Variants in MGAT5 observed in about 807,000 individuals in gnomAD.
MGAT5 encodes the protein alpha-1,6-mannosylglycoprotein 6-beta-N-acetylglucosaminyltransferase A.
A neutral mutation model predicts 94.3 loss-of-function variants in MGAT5; 30 were observed. That is an observed-to-expected ratio of 0.32 (90% CI 0.24 to 0.43). The LOEUF is 0.43. Ranked by LOEUF, MGAT5 falls within the 20% of genes least tolerant of loss-of-function variation. The pLI is 1.00. For synonymous variants in MGAT5, 310 were observed against 322.9 expected, an observed-to-expected ratio of 0.96 and a Z score of 0.43; for missense variants, 691 against 905.5, an observed-to-expected ratio of 0.76 and a Z score of 3.04.
intron 4 of MGAT5, among the ~76,000 whole-genome samples, chr2:134,320,978 C>A: frequency 6.6e-6 from 1 of 152,078 alleles, no homozygotes; most frequent in East Asian, 1.9e-4. Context: ...CCAGAGCTAA[C>A]GATAGTTAAA....
At chr2:134,422,406 G>A in intron 12 of MGAT5, among the ~76,000 whole-genome samples, 1 of 152,020 alleles carries the variant, frequency 6.6e-6, no homozygotes, top group East Asian at 1.9e-4. Flanking sequence ...GACTTTAAAA[G>A]CCTTGATTTT....
rs1310834572 is a variant in MGAT5 at position 134,283,824 on chromosome 2, C to T, written c.406+13274C>T. On this transcript the variant is annotated intron_variant, in intron 2 of 15. Transcript: ENST00000281923. The stretch of plus-strand genomic sequence containing the variant: ...AACAGGAGAACGATACAGCTTCCCC[C>T]GGCCGCTGGGTTCTCTTTCTGTGAT... Among the ~76,000 whole-genome samples, 9 of 151,772 alleles carry T rather than the reference C, an allele frequency of 5.9e-5. No homozygotes were observed. The East Asian group carries it at 1.2e-3, about 20-fold the overall frequency.
intron 12 of MGAT5, among the ~76,000 whole-genome samples, chr2:134,413,726 C>A (rs1214398748): frequency 6.6e-6 from 1 of 152,140 alleles, no homozygotes; most frequent in African/African-American, 2.4e-5. Context: ...CTGATTATTT[C>A]TATGTAGTTA....
intron 1 of MGAT5, among the ~76,000 whole-genome samples, chr2:134,127,909 T>A (rs1294183457): frequency 2.0e-5 from 3 of 152,338 alleles, no homozygotes; most frequent in African/African-American, 7.2e-5. Context: ...CGTTTGGTCA[T>A]TATGCTCTTT....
At chr2:134,128,184 C>A (rs115818060) in intron 1 of MGAT5, among the ~76,000 whole-genome samples, 1,935 of 132,230 alleles carry the variant, frequency 0.015, 49 homozygotes, top group African/African-American at 0.049. Context: ...GCCTGAGCAA[C>A]AAAGCAAGAC....
At chr2:134,444,704 C>T (rs754729302) in intron 15 of MGAT5, among the ~76,000 whole-genome samples, 1 of 152,200 alleles carries the variant, frequency 6.6e-6, no homozygotes. Context: ...GTATCCATAG[C>T]GTTTAAGAAC....
intron 1 of MGAT5, among the ~76,000 whole-genome samples, chr2:134,234,843 C>T (rs1327508223): frequency 6.6e-6 from 1 of 152,190 alleles, no homozygotes; most frequent in Admixed American, 6.5e-5. Flanking sequence ...ATGAGGTGGA[C>T]TGAGCAGGTG....
At chr2:134,178,414 T>C (rs1035813853) in intron 1 of MGAT5, among the ~76,000 whole-genome samples, 2 of 152,082 alleles carry the variant, frequency 1.3e-5, no homozygotes, top group African/African-American at 2.4e-5. Flanking sequence ...GGAAAGGGCA[T>C]TGGGTCCTTT....
At chr2:134,358,517 T>A (rs1401786984) in intron 9 of MGAT5, among the ~76,000 whole-genome samples, 2 of 152,152 alleles carry the variant, frequency 1.3e-5, no homozygotes, top group African/African-American at 2.4e-5. Flanking sequence ...AAGGAAAGGA[T>A]GAGTTGATGG....
chr2:134,447,129 TAC>T lies in MGAT5; in HGVS notation c.2028-1512_2028-1511del, dbSNP rs950639346. On this transcript the variant is annotated intron_variant, in intron 15 of 15. Coordinates refer to ENST00000281923, the MANE Select transcript of MGAT5 (RefSeq NM_002410.5). ...AACATGCTCTACACACATGCCCATG[TAC>T]ACACACATATGCATACATACACATA... 3.7e-4 allele frequency among the ~76,000 whole-genome samples: 56 copies of T among 152,322 alleles called. 1 individual carries two copies. The highest frequency in any genetic ancestry group is 1.2e-3 in the African/African-American group (50 of 41,582).
intron 1 of MGAT5, among the ~76,000 whole-genome samples, chr2:134,265,735 C>T (rs1054318678): frequency 5.3e-5 from 8 of 152,074 alleles, no homozygotes; most frequent in East Asian, 1.9e-4. Context: ...TTGTTGAGGA[C>T]GCATTTTATG....
intron 9 of MGAT5, among the ~76,000 whole-genome samples, chr2:134,352,396 C>A (rs1679441244): frequency 6.6e-6 from 1 of 152,080 alleles, no homozygotes; most frequent in South Asian, 2.1e-4. Context: ...GGCTTTCATT[C>A]TAGGAGGGGC....
At chr2:134,223,197 T>A (rs1000140137) in intron 1 of MGAT5, among the ~76,000 whole-genome samples, 2 of 152,218 alleles carry the variant, frequency 1.3e-5, no homozygotes, top group African/African-American at 4.8e-5. Flanking sequence ...ACCAGCTGTT[T>A]AGGCATTTTT....
chr2:134,309,265 T>G (rs1290796771), intron 2 of MGAT5, among the ~76,000 whole-genome samples: 1 of 152,248 alleles, frequency 6.6e-6, no homozygotes, highest in Admixed American at 6.5e-5. Flanking sequence ...CTGTTATGAA[T>G]AAGGCTATTA....
chr2:134,152,899 CTTTTTTTTTTT>C (rs35135371), intron 1 of MGAT5, among the ~76,000 whole-genome samples: 1 of 117,282 alleles, frequency 8.5e-6, no homozygotes, highest in Non-Finnish European at 1.7e-5. Flanking sequence ...ATGGAGTCCA[CTTTTTTTTTTT>C]TTTTTTTTTT....
intron 12 of MGAT5, among the ~76,000 whole-genome samples, chr2:134,422,447 C>T (rs2106360337): frequency 6.6e-6 from 1 of 152,178 alleles, no homozygotes; most frequent in Non-Finnish European, 1.5e-5. Context: ...ACCTTTCTGT[C>T]TTAGCCAGGA....
At chr2:134,221,500 G>A (rs1429074759) in intron 1 of MGAT5, among the ~76,000 whole-genome samples, 2 of 152,058 alleles carry the variant, frequency 1.3e-5, no homozygotes, top group East Asian at 3.9e-4. Flanking sequence ...GTAAAATGTT[G>A]CTTATCTGAC....
intron 14 of MGAT5, among the ~76,000 whole-genome samples, chr2:134,434,108 T>C (rs1032198798): frequency 6.6e-5 from 10 of 152,210 alleles, no homozygotes; most frequent in Non-Finnish European, 1.5e-4. Flanking sequence ...CAAGTGACCC[T>C]TTCCCTGGCC....
intron 12 of MGAT5, among the ~76,000 whole-genome samples, chr2:134,413,655 G>A (rs1683797440): frequency 6.6e-6 from 1 of 152,214 alleles, no homozygotes; most frequent in African/African-American, 2.4e-5. Flanking sequence ...GAGTGATCAA[G>A]CTGGGTGTTT....
Sources: gnomAD v4.1 joint callset for allele counts (sites outside exome capture counted in the v4.1 genomes callset) on GRCh38, gnomAD v4.1.1 for gene constraint, MANE v1.5 for transcripts, NCBI Gene and HGNC (gene_info 2026-07-23, HGNC 2026-07-21) for gene names.